GMNC: variants seen among roughly 807,000 people sequenced by gnomAD.
GMNC encodes geminin coiled-coil domain-containing protein 1.
In GMNC, 16 loss-of-function variants were observed where a neutral mutation model predicts 33.6. The ratio of observed to expected loss-of-function variants is 0.48; its 90% confidence interval spans 0.32 to 0.72. GMNC has a LOEUF of 0.72. Among genes scored for constraint, GMNC ranks in the 30% least tolerant of loss-of-function variants. The probability of loss-of-function intolerance (pLI) is 0.03; values close to 1 mark genes in which losing one functional copy is unlikely to be tolerated. For missense variants in GMNC, 393 were observed against 388.9 expected (o/e 1.01, Z -0.09); for synonymous variants, 156 against 147.3 (o/e 1.06, Z -0.43).
chr3:190,844,182 C>T, the GMNC span, among the ~76,000 whole-genome samples: 1 of 152,078 alleles, frequency 6.6e-6, no homozygotes, highest in Non-Finnish European at 1.5e-5. Flanking sequence ...CACAGATTCA[C>T]CACCATGACT....
rs746342909 is a variant in GMNC at position 190,855,619 on chromosome 3, C to T, written c.681G>A (p.Pro227=). The T allele has an allele frequency of 5.9e-5, 92 of 1,551,416 alleles. No individual in the cohort carries two copies. The highest frequency in any genetic ancestry group is 5.2e-4 in the South Asian group (44 of 84,066). Residue 227 remains proline, a synonymous_variant, in exon 5 of 5, where the codon CCG becomes CCA. Coordinates refer to ENST00000442080, the MANE Select transcript of GMNC (RefSeq NM_001146686.3). ...TATTTTTATAATCAACTGCATCATC[C>T]GGAAACTGGGAAAATGTGCTGGCGA... ...RRVASTFSQF[P]DDAVDYKNIP...
downstream of GMNC, among the ~76,000 whole-genome samples, chr3:190,852,589 C>A (rs901157744): frequency 6.6e-6 from 1 of 152,010 alleles, no homozygotes; most frequent in Non-Finnish European, 1.5e-5. Context: ...GGACTCTAAG[C>A]CACTTAACAT....
Position 190,855,885 on chromosome 3 carries a change from C to G in GMNC, c.415G>C (p.Ala139Pro), listed in dbSNP as rs139904413. 27 of 1,550,328 alleles carry G rather than the reference C, an allele frequency of 1.7e-5. No homozygotes were observed. Among genetic ancestry groups the G allele is most frequent in the Admixed American group, 7.9e-5 (4 of 50,926 alleles). Reference sequence around the variant, plus strand: ...TTCCCCTTCCTGAATTTTCCATATGCTTTGGAGAACTCATCAGATGAGAGC... The same window carrying G: ...TTCCCCTTCCTGAATTTTCCATATGGTTTGGAGAACTCATCAGATGAGAGC... Reference protein sequence around the residue: ...KLLSSDEFSKAYGKFRKGKRK... With the variant: ...KLLSSDEFSKPYGKFRKGKRK... Residue 139 changes from alanine (A) to proline (P), a missense_variant, in exon 5 of 5, where the codon GCA (alanine) becomes CCA (proline). Ala to Pro is a conservative substitution (Grantham distance 27). Coordinates refer to ENST00000442080, the MANE Select transcript of GMNC (RefSeq NM_001146686.3).
chr3:190,853,457 A>G lies in GMNC; in HGVS notation c.*1838T>C, dbSNP rs967091712. The G allele has an allele frequency of 6.6e-6, 1 of 152,120 alleles. No individual in the cohort carries two copies. The allele number at this position is 152,120 out of a possible 1,614,324, so 9.4% of individuals were successfully genotyped here. The stretch of plus-strand genomic sequence containing the variant: ...ACTTCTTAAAGTACTCCAGAGAGTA[A>G]TATTAATTACTATATTGGATTTTCT... On this transcript the variant is annotated 3_prime_UTR_variant, in exon 5 of 5. Coordinates refer to ENST00000442080, the MANE Select transcript of GMNC (RefSeq NM_001146686.3).
downstream of GMNC, among the ~76,000 whole-genome samples, chr3:190,847,995 C>G (rs1467168997): frequency 6.6e-6 from 1 of 152,136 alleles, no homozygotes; most frequent in Non-Finnish European, 1.5e-5. Context: ...CGTACATTCC[C>G]ATAATTTTGT....
chr3:190,857,568 T>C (rs1010248935), intron 4 of GMNC, among the ~76,000 whole-genome samples: 3 of 152,184 alleles, frequency 2.0e-5, no homozygotes, highest in African/African-American at 7.2e-5. Flanking sequence ...AAGCAACTTC[T>C]TTTGTAACAT....
the GMNC span, among the ~76,000 whole-genome samples, chr3:190,845,005 A>G: frequency 1.3e-5 from 2 of 152,150 alleles, no homozygotes; most frequent in Non-Finnish European, 2.9e-5. Flanking sequence ...TGTAATGAGA[A>G]AATAATGTAC....
intron 3 of GMNC, chr3:190,858,178 A>T (rs904548696): frequency 1.8e-5 from 6 of 342,246 alleles, no homozygotes; most frequent in Non-Finnish European, 3.2e-5. Context: ...GTAGATATGA[A>T]GGAAAATGAG....
At position 190,855,133 on chromosome 3, in the gene GMNC, A is replaced by C; in HGVS notation, c.*162T>G. Reference sequence around the variant, plus strand: ...ACACGTTTCATTATGGATTCTTGGAAGCCATTCCCTGCAGATTTAAGTGGG... The same window carrying C: ...ACACGTTTCATTATGGATTCTTGGACGCCATTCCCTGCAGATTTAAGTGGG... On this transcript the variant is annotated 3_prime_UTR_variant, in exon 5 of 5. Coordinates refer to ENST00000442080, the MANE Select transcript of GMNC (RefSeq NM_001146686.3). 1 of 706,274 alleles carries C rather than the reference A, an allele frequency of 1.4e-6. No homozygotes were observed. Among genetic ancestry groups the C allele is most frequent in the South Asian group, 2.0e-5 (1 of 51,190 alleles). 43.8% of individuals were successfully genotyped at this position (706,274 alleles called of 1,614,324 possible).
the GMNC span, among the ~76,000 whole-genome samples, chr3:190,847,695 A>G: frequency 3.1e-4 from 47 of 151,442 alleles, no homozygotes; most frequent in African/African-American, 1.0e-3. Flanking sequence ...ATCATTCCTC[A>G]TCTTCACATG....
chr3:190,856,427 AT>A (rs962462778), intron 4 of GMNC, among the ~76,000 whole-genome samples: 2 of 144,712 alleles, frequency 1.4e-5, no homozygotes, highest in Non-Finnish European at 3.0e-5. Context: ...ATAAATATTA[AT>A]TTATATAAGT....
intron 3 of GMNC, 48 bp from the exon 4 acceptor site, chr3:190,857,947 G>A: frequency 1.0e-6 from 1 of 990,596 alleles, no homozygotes; most frequent in Non-Finnish European, 1.6e-6. Context: ...TATTGACTTT[G>A]TAACCTTATA....
chr3:190,847,412 C>T, the GMNC span, among the ~76,000 whole-genome samples: 1 of 152,228 alleles, frequency 6.6e-6, no homozygotes, highest in African/African-American at 2.4e-5. Context: ...CTTCAGCTCA[C>T]ACTATCAGTT....
chr3:190,849,881 T>C (rs1437550950), downstream of GMNC, among the ~76,000 whole-genome samples: 1 of 152,212 alleles, frequency 6.6e-6, no homozygotes, highest in African/African-American at 2.4e-5. Flanking sequence ...AGTAATGCTA[T>C]TACTTAAACA....
At chr3:190,857,678 A>AT (rs1737775942) in intron 4 of GMNC, 105 bp downstream of exon 4, 6 of 588,988 alleles carry the variant, frequency 1.0e-5, no homozygotes, top group Middle Eastern at 5.7e-4. Flanking sequence ...CATCTTATAA[A>AT]TGCATATCAA....
Position 190,861,198 on chromosome 3 carries a change from A to G in GMNC, c.4-340T>C, listed in dbSNP as rs146681980. On this transcript the variant is annotated intron_variant, in intron 1 of 4. Transcript: ENST00000442080. The surrounding 1 kb of genome is among the most constrained non-coding windows in gnomAD (Gnocchi z 5.1). ...AGTCTACCCAGATCTAAATAAAGGG[A>G]ATTCTACTTAATGATTCAAAACCAT... is the stretch of plus-strand genomic sequence containing the variant. Among the ~76,000 whole-genome samples, 23 of 152,262 alleles carry G rather than the reference A, an allele frequency of 1.5e-4. No homozygotes were observed. The highest frequency in any genetic ancestry group is 3.4e-3 in the Middle Eastern group (1 of 294).
chr3:190,848,106 A>C (rs1259301892), downstream of GMNC, among the ~76,000 whole-genome samples: 1 of 152,188 alleles, frequency 6.6e-6, no homozygotes, highest in Non-Finnish European at 1.5e-5. Context: ...ACTGATACCA[A>C]TGTCAATCAA....
intron 2 of GMNC, among the ~76,000 whole-genome samples, chr3:190,860,241 C>T (rs1737831913): frequency 6.6e-6 from 1 of 152,190 alleles, no homozygotes; most frequent in African/African-American, 2.4e-5. Context: ...TTTTCAACTT[C>T]TAACACACTA....
chr3:190,860,944 C>T lies in GMNC; in HGVS notation c.4-86G>A, dbSNP rs779492258. 2.6e-5 allele frequency: 23 copies of T among 869,610 alleles called. 1 individual carries two copies. The Middle Eastern group carries it at 7.8e-4, about 30-fold the overall frequency. The allele number at this position is 869,610 out of a possible 1,614,324, so 53.9% of individuals were successfully genotyped here. The stretch of plus-strand genomic sequence containing the variant: ...AAGGGGGAAAGGGTGGGAGAAATAC[C>T]GAAATTACATGCAGTGAAATATAAA... On this transcript the variant is annotated intron_variant, in intron 1 of 4. Transcript: ENST00000442080.
Sources: allele counts gnomAD v4.1 joint callset (sites outside exome capture counted in the v4.1 genomes callset), GRCh38; gene constraint gnomAD v4.1.1; non-coding constraint Gnocchi (gnomAD v3.1); transcripts MANE v1.5; gene names NCBI Gene and HGNC (gene_info 2026-07-23, HGNC 2026-07-21).